DLGAP2: variants seen among roughly 807,000 people sequenced by gnomAD.
DLGAP2 encodes the protein disks large-associated protein 2.
DLGAP2 carries 26 observed loss-of-function variants against 100.3 expected under a neutral mutation model. The ratio of observed to expected loss-of-function variants is 0.26; its 90% confidence interval spans 0.19 to 0.36. The LOEUF (loss-of-function observed/expected upper bound fraction) is 0.36, where lower values mean the gene tolerates loss of function less well. Ranked by LOEUF, DLGAP2 falls within the 10% of genes least tolerant of loss-of-function variation. The pLI is 1.00. For synonymous variants in DLGAP2, 886 were observed against 630.1 expected (o/e 1.41, Z -6.08); for missense variants, 1,858 against 1,453.2 (o/e 1.28, Z -4.53).
At chr8:1,093,982 C>CATGGATGGAGGGCAACTTCGCGGTGG (rs1563187918) in intron 2 of DLGAP2, among the ~76,000 whole-genome samples, 47 of 110,266 alleles carry the variant, frequency 4.3e-4, no homozygotes, top group African/African-American at 1.5e-3. Flanking sequence ...TGCAGGCGCT[C>CATGGATGGAGGGCAACTTCGCGGTGG]GTGGATGGAG....
chr8:1,553,207 T>G (rs1429622808), intron 5 of DLGAP2, among the ~76,000 whole-genome samples: 1 of 152,172 alleles, frequency 6.6e-6, no homozygotes, highest in African/African-American at 2.4e-5. Context: ...CCTCCTGTCC[T>G]CAGGCCTCCT....
intron 1 of DLGAP2, among the ~76,000 whole-genome samples, chr8:898,720 C>T (rs1453875100): frequency 6.6e-6 from 1 of 152,198 alleles, no homozygotes; most frequent in Admixed American, 6.5e-5. Context: ...CCTCCATCTG[C>T]TCTTTATCTC....
At chr8:1,030,092 A>G (rs928451255) in intron 2 of DLGAP2, among the ~76,000 whole-genome samples, 2 of 152,190 alleles carry the variant, frequency 1.3e-5, no homozygotes, top group African/African-American at 2.4e-5. Flanking sequence ...AACTTTGTAA[A>G]TCTTAAAATA....
chr8:1,295,333 C>T (rs1800146413), intron 3 of DLGAP2, among the ~76,000 whole-genome samples: 1 of 152,242 alleles, frequency 6.6e-6, no homozygotes, highest in Non-Finnish European at 1.5e-5. Context: ...ACCGAGCTTC[C>T]TGGTGACCGT....
intron 12 of DLGAP2, among the ~76,000 whole-genome samples, chr8:1,688,590 A>G (rs1407170882): frequency 1.3e-5 from 2 of 152,146 alleles, no homozygotes; most frequent in Non-Finnish European, 2.9e-5. Flanking sequence ...TCTCCACGGA[A>G]TGGGGAGGGA....
intron 10 of DLGAP2, among the ~76,000 whole-genome samples, chr8:1,671,899 G>A (rs919866119): frequency 2.0e-5 from 3 of 152,262 alleles, no homozygotes; most frequent in African/African-American, 7.2e-5. Flanking sequence ...AGGATAAGGA[G>A]GAGAGCTTGT....
At chr8:1,467,008 A>G (rs1013574272) in intron 3 of DLGAP2, among the ~76,000 whole-genome samples, 8 of 151,252 alleles carry the variant, frequency 5.3e-5, no homozygotes, top group Non-Finnish European at 8.8e-5. Flanking sequence ...TGAAGCTTCA[A>G]GAAAGTGGGG....
intron 3 of DLGAP2, among the ~76,000 whole-genome samples, chr8:1,287,445 TAGG>T (rs1443338835): frequency 5.2e-5 from 5 of 95,816 alleles, no homozygotes; most frequent in East Asian, 3.4e-4. Flanking sequence ...GTGTGGTTGT[TAGG>T]AGGGGAACTA....
At chr8:1,452,616 A>G (rs555031670) in intron 3 of DLGAP2, among the ~76,000 whole-genome samples, 94 of 152,304 alleles carry the variant, frequency 6.2e-4, no homozygotes, top group African/African-American at 2.2e-3. Flanking sequence ...GAGGAGATGG[A>G]GAATTCTGGA....
chr8:1,699,829 C>G (rs1373088363), intron 14 of DLGAP2, among the ~76,000 whole-genome samples: 1 of 152,200 alleles, frequency 6.6e-6, no homozygotes. Context: ...CTGGAAGCTC[C>G]TTTGATTGGG....
chr8:1,093,776 A>G (rs1804272663), intron 2 of DLGAP2, among the ~76,000 whole-genome samples: 1 of 152,230 alleles, frequency 6.6e-6, no homozygotes, highest in Non-Finnish European at 1.5e-5. Context: ...ATGGCCCACC[A>G]GGTGAATACA....
chr8:1,433,261 C>T (rs1165163003), intron 3 of DLGAP2, among the ~76,000 whole-genome samples: 1 of 152,178 alleles, frequency 6.6e-6, no homozygotes, highest in Non-Finnish European at 1.5e-5. Context: ...GGCAACAGAA[C>T]CCATCCAGCT....
chr8:1,547,271 G>A (rs1308419610), intron 4 of DLGAP2, among the ~76,000 whole-genome samples: 1 of 152,168 alleles, frequency 6.6e-6, no homozygotes, highest in East Asian at 1.9e-4. Context: ...TCACAAGGAA[G>A]GCAGCTGTGC....
At chr8:852,291 C>G (rs1057436257) in intron 1 of DLGAP2, among the ~76,000 whole-genome samples, 1 of 152,200 alleles carries the variant, frequency 6.6e-6, no homozygotes, top group Non-Finnish European at 1.5e-5. Flanking sequence ...GGCCACAGGC[C>G]TGGGGCTCTG....
rs542715762 is a variant in DLGAP2 at position 1,492,720 on chromosome 8, C to G, written c.107-8646C>G. On this transcript the variant is annotated intron_variant, in intron 3 of 14. Coordinates refer to ENST00000637795, the MANE Select transcript of DLGAP2 (RefSeq NM_001346810.2). ...GACCCCCCGCCTCCCTGACTTCCAACCAGGCACCTTCCCCGGCTCCATGCT... is the reference window on the plus strand; with the variant it reads ...GACCCCCCGCCTCCCTGACTTCCAAGCAGGCACCTTCCCCGGCTCCATGCT... Among the ~76,000 whole-genome samples, 3 of 152,346 alleles carry G rather than the reference C, an allele frequency of 2.0e-5. No homozygotes were observed. In the East Asian group the frequency reaches 5.8e-4, roughly 29 times the overall value.
intron 9 of DLGAP2, 116 bp from the exon 10 acceptor site, chr8:1,669,627 C>T: frequency 2.7e-6 from 2 of 744,454 alleles, no homozygotes; most frequent in South Asian, 2.8e-5. Flanking sequence ...GTGCTGAGAG[C>T]CGGGCCCGTG....
intron 2 of DLGAP2, among the ~76,000 whole-genome samples, chr8:1,075,276 G>A (rs1041882450): frequency 2.6e-5 from 4 of 152,162 alleles, no homozygotes; most frequent in Admixed American, 6.5e-5. Flanking sequence ...GGAGCGTGAG[G>A]GAAGGAAAAG....
At chr8:1,048,148 A>G (rs1292934239) in intron 2 of DLGAP2, among the ~76,000 whole-genome samples, 1 of 152,154 alleles carries the variant, frequency 6.6e-6, no homozygotes, top group East Asian at 1.9e-4. Context: ...TTTAATCTAC[A>G]GAATACAAAC....
intron 4 of DLGAP2, among the ~76,000 whole-genome samples, chr8:1,532,261 C>A (rs773598377): frequency 6.6e-6 from 1 of 152,152 alleles, no homozygotes; most frequent in African/African-American, 2.4e-5. Flanking sequence ...CTGGAACGCA[C>A]TCTTTGTGGA....
Sources: gnomAD v4.1 joint callset for allele counts (sites outside exome capture counted in the v4.1 genomes callset) on GRCh38, gnomAD v4.1.1 for gene constraint, MANE v1.5 for transcripts, NCBI Gene and HGNC (gene_info 2026-07-23, HGNC 2026-07-21) for gene names.